FGF13: variants seen among roughly 807,000 people sequenced by gnomAD.
FGF13 encodes the protein fibroblast growth factor homologous factor 2.
Under a neutral mutation model 19.5 loss-of-function variants are expected in FGF13, and 2 were observed. The observed-to-expected ratio is 0.10, with a 90% CI of 0.04 to 0.32. The LOEUF is 0.32. Ranked by LOEUF, FGF13 falls within the 10% of genes least tolerant of loss-of-function variation. The pLI is 1.00. For missense variants in FGF13, 113 were observed against 192.7 expected, an observed-to-expected ratio of 0.59 and a Z score of 2.45; for synonymous variants, 72 against 76.9, an observed-to-expected ratio of 0.94 and a Z score of 0.33.
intron 3 of FGF13, among the ~76,000 whole-genome samples, chrX:138,773,248 G>C (rs2124346652): frequency 9.0e-6 from 1 of 111,250 alleles, no homozygotes; most frequent in South Asian, 3.8e-4. Flanking sequence ...ACAATGTATA[G>C]TGTGCCTGGG....
At position 138,952,973 on chromosome X, in the gene FGF13, A is replaced by G. The variant is rs1279550953; in HGVS notation, c.-112-88323T>C. Among the ~76,000 whole-genome samples, 13 of 111,383 alleles carry G rather than the reference A, an allele frequency of 1.2e-4. 1 individual carries two copies. Among genetic ancestry groups the G allele is most frequent in the Non-Finnish European group, 2.3e-4 (12 of 53,086 alleles). ...GGAGAAATAGGAACACTTTTACACTATTGGTGGGACTGTCAACTAGTTCAA... is the reference window on the plus strand; with the variant it reads ...GGAGAAATAGGAACACTTTTACACTGTTGGTGGGACTGTCAACTAGTTCAA... On this transcript the variant is annotated intron_variant, in intron 1 of 2. Transcript: ENST00000421460.
At chrX:139,200,982 G>A (rs1226301238) in intron 1 of FGF13, among the ~76,000 whole-genome samples, 3 of 111,899 alleles carry the variant, frequency 2.7e-5, no homozygotes, top group East Asian at 2.8e-4. Flanking sequence ...CAGATCCTCC[G>A]GTCCAAGAGC....
At chrX:138,960,941 C>A (rs986537281) in intron 1 of FGF13, among the ~76,000 whole-genome samples, 1 of 111,247 alleles carries the variant, frequency 9.0e-6, no homozygotes, top group African/African-American at 3.3e-5. Flanking sequence ...AGCTTCCTGG[C>A]GATGAGTTCG....
chrX:138,917,836 G>T (rs780090653), intron 1 of FGF13, among the ~76,000 whole-genome samples: 2 of 111,523 alleles, frequency 1.8e-5, no homozygotes, highest in Non-Finnish European at 1.9e-5. Flanking sequence ...AGGCTTTCAG[G>T]TCTCTAATTA....
intron 1 of FGF13, among the ~76,000 whole-genome samples, chrX:138,944,313 T>C (rs2091772265): frequency 9.0e-6 from 1 of 111,242 alleles, no homozygotes; most frequent in African/African-American, 3.3e-5. Context: ...ATCCATGAGC[T>C]ATTTTTAACA....
intron 1 of FGF13, among the ~76,000 whole-genome samples, chrX:139,009,894 T>C (rs2092120673): frequency 8.9e-6 from 1 of 111,831 alleles, no homozygotes; most frequent in African/African-American, 3.2e-5. Context: ...ACCAAGTTTC[T>C]GCTGTCTTCA....
At chrX:138,743,083 C>T (rs1249239658), upstream of FGF13, among the ~76,000 whole-genome samples, 3 of 111,412 alleles carry the variant, frequency 2.7e-5, no homozygotes, top group African/African-American at 9.8e-5. Flanking sequence ...CACACAAAAA[C>T]CTGCACGCTA....
chrX:139,198,467 C>G (rs1317670849), intron 1 of FGF13, among the ~76,000 whole-genome samples: 1 of 111,725 alleles, frequency 9.0e-6, no homozygotes, highest in Non-Finnish European at 1.9e-5. Flanking sequence ...AACCACAACC[C>G]TACACCAGCA....
chrX:138,884,030 A>G (rs1251732673), intron 1 of FGF13, among the ~76,000 whole-genome samples: 1 of 111,972 alleles, frequency 8.9e-6, no homozygotes, highest in Non-Finnish European at 1.9e-5. Context: ...TGGGTAAGTC[A>G]CTTAAATCTC....
intron 3 of FGF13, among the ~76,000 whole-genome samples, chrX:138,681,283 A>C (rs997871809): frequency 2.7e-5 from 3 of 112,120 alleles, no homozygotes; most frequent in African/African-American, 9.7e-5. Context: ...TGTTATCAGC[A>C]CTTGCTGCTT....
At chrX:138,712,845 G>T (rs971915749), upstream of FGF13, among the ~76,000 whole-genome samples, 8 of 112,036 alleles carry the variant, frequency 7.1e-5, no homozygotes, top group African/African-American at 2.6e-4. Flanking sequence ...CTTATCTTCA[G>T]ACTCTAGCCC....
At chrX:138,969,905 G>A (rs762230517) in intron 1 of FGF13, among the ~76,000 whole-genome samples, 19 of 111,950 alleles carry the variant, frequency 1.7e-4, no homozygotes, top group African/African-American at 5.8e-4. Context: ...CATAATAGCT[G>A]TGCATGAAAA....
At chrX:138,690,170 T>C (rs1163843898) in intron 3 of FGF13, among the ~76,000 whole-genome samples, 2 of 111,663 alleles carry the variant, frequency 1.8e-5, no homozygotes, top group Non-Finnish European at 3.8e-5. Flanking sequence ...GTAATGGGGA[T>C]CTCAAAGAAG....
At chrX:139,098,812 T>C (rs892624784) in intron 1 of FGF13, among the ~76,000 whole-genome samples, 1 of 111,648 alleles carries the variant, frequency 9.0e-6, no homozygotes, top group African/African-American at 3.3e-5. Context: ...ATGGGTTCAA[T>C]AGAACCCCAA....
chrX:139,116,594 T>C (rs1185407490), intron 1 of FGF13, among the ~76,000 whole-genome samples: 1 of 111,717 alleles, frequency 9.0e-6, no homozygotes, highest in Non-Finnish European at 1.9e-5. Context: ...TAAAAGCTCA[T>C]TTTAATTGTC....
chrX:138,953,717 A>C (rs1350358920), intron 1 of FGF13, among the ~76,000 whole-genome samples: 1 of 111,647 alleles, frequency 9.0e-6, no homozygotes, highest in Non-Finnish European at 1.9e-5. Context: ...TGATATATTC[A>C]TACATTGCAA....
In FGF13 at chrX:139,085,425, G is replaced by T. The variant is rs762999088; in HGVS notation, c.-113+117991C>A. On this transcript the variant is annotated intron_variant, in intron 1 of 2. Coordinates refer to the FGF13 transcript ENST00000421460. Reference sequence around the variant, plus strand: ...CTTTCTCTAAAGCACATAGCACAATGCCTGGCACATATGTGTCCAATAAAT... The same window carrying T: ...CTTTCTCTAAAGCACATAGCACAATTCCTGGCACATATGTGTCCAATAAAT... Among the ~76,000 whole-genome samples, 4 of 111,911 alleles carry T rather than the reference G, an allele frequency of 3.6e-5. No homozygotes were observed. In the South Asian group the frequency reaches 1.5e-3, roughly 42 times the overall value.
chrX:138,642,424 AT>A (rs1411881214), intron 3 of FGF13, among the ~76,000 whole-genome samples: 2 of 111,844 alleles, frequency 1.8e-5, no homozygotes, highest in East Asian at 5.6e-4. Context: ...GGTGAAAAAA[AT>A]CTACCAGTTC....
chrX:138,935,826 T>C (rs1265907886), intron 1 of FGF13, among the ~76,000 whole-genome samples: 2 of 111,979 alleles, frequency 1.8e-5, no homozygotes, highest in East Asian at 5.6e-4. Flanking sequence ...TCATTATAGT[T>C]GGGTCTTTTC....
Sources: allele counts gnomAD v4.1 joint callset (sites outside exome capture counted in the v4.1 genomes callset), GRCh38; gene constraint gnomAD v4.1.1; transcripts MANE v1.5; gene names NCBI Gene and HGNC (gene_info 2026-07-23, HGNC 2026-07-21).